ALDH1A2: variants seen among roughly 807,000 people sequenced by gnomAD.
ALDH1A2 encodes the protein aldehyde dehydrogenase 1 family member A2, also known as retinal dehydrogenase 2.
ALDH1A2 carries 27 observed loss-of-function variants against 60.3 expected under a neutral mutation model. That is an observed-to-expected ratio of 0.45 (90% CI 0.33 to 0.62). The LOEUF (loss-of-function observed/expected upper bound fraction) is 0.62, where lower values mean the gene tolerates loss of function less well. Ranked by LOEUF, ALDH1A2 falls within the 20% of genes least tolerant of loss-of-function variation. The pLI, the probability that ALDH1A2 is intolerant of heterozygous loss-of-function variation, is 0.02. For synonymous variants in ALDH1A2, 289 were observed against 232.4 expected (o/e 1.24, Z -2.21); for missense variants, 581 against 643.8 (o/e 0.90, Z 1.06).
chr15:58,037,526 G>A (rs1371111658), intron 1 of ALDH1A2, among the ~76,000 whole-genome samples: 1 of 151,466 alleles, frequency 6.6e-6, no homozygotes, highest in Non-Finnish European at 1.5e-5. Context: ...CATCATGAAA[G>A]TATTGTTAGA....
intron 7 of ALDH1A2, among the ~76,000 whole-genome samples, chr15:57,983,156 C>T (rs1287173138): frequency 6.6e-6 from 1 of 152,198 alleles, no homozygotes; most frequent in African/African-American, 2.4e-5. Flanking sequence ...AAACTGCATT[C>T]GCTATTGAAA....
intron 1 of ALDH1A2, chr15:58,058,150 C>G (rs1436827943): frequency 7.5e-7 from 1 of 1,326,816 alleles, no homozygotes; most frequent in Admixed American, 2.0e-5. Context: ...TAAATTCATA[C>G]AGGCATTTCA....
At chr15:57,990,911 T>C (rs1218611816) in intron 7 of ALDH1A2, among the ~76,000 whole-genome samples, 4 of 149,796 alleles carry the variant, frequency 2.7e-5, no homozygotes, top group Non-Finnish European at 5.9e-5. Flanking sequence ...AATAGAAGCC[T>C]CTTGACTGAC....
At chr15:58,059,749 A>C (rs1299935943) in intron 1 of ALDH1A2, among the ~76,000 whole-genome samples, 1 of 152,182 alleles carries the variant, frequency 6.6e-6, no homozygotes. Context: ...TAAAGACAAG[A>C]CCTTGGTGGA....
Position 57,992,683 on chromosome 15 carries a change from C to G in ALDH1A2, c.798+22G>C, listed in dbSNP as rs748586659. ...CTCATTTGCAAGACTGTTCCTCAAG[C>G]CCTGGTTTTTCAGATACCTACCTCA... is the stretch of plus-strand genomic sequence containing the variant. On this transcript the variant is annotated intron_variant, in intron 7 of 12. Coordinates refer to ENST00000249750, the MANE Select transcript of ALDH1A2 (RefSeq NM_003888.4). The G allele has an allele frequency of 4.4e-6, 7 of 1,605,584 alleles. No homozygotes were observed. In the Admixed American group the frequency reaches 1.2e-4, roughly 27 times the overall value.
chr15:58,045,732 C>A (rs1339803738), intron 1 of ALDH1A2, among the ~76,000 whole-genome samples: 2 of 151,770 alleles, frequency 1.3e-5, no homozygotes, highest in Non-Finnish European at 2.9e-5. Context: ...CACCACACAC[C>A]CGGACCTGTC....
chr15:58,014,151 A>G, intron 2 of ALDH1A2, 26 bp downstream of exon 2: 1 of 1,614,138 alleles, frequency 6.2e-7, no homozygotes, highest in African/African-American at 1.3e-5. Flanking sequence ...ATTTCATAGG[A>G]AATCTTTTAT....
chr15:58,032,949 A>C (rs866287608), intron 1 of ALDH1A2, among the ~76,000 whole-genome samples: 3 of 152,076 alleles, frequency 2.0e-5, no homozygotes, highest in Non-Finnish European at 4.4e-5. Context: ...GCATGTTCTC[A>C]TATGTGGGAT....
At chr15:57,978,257 C>A (rs1370049134) in intron 7 of ALDH1A2, among the ~76,000 whole-genome samples, 2 of 152,180 alleles carry the variant, frequency 1.3e-5, no homozygotes, top group Non-Finnish European at 2.9e-5. Flanking sequence ...GAGAGGGCAT[C>A]CTTTTCTTGT....
chr15:58,004,205 T>C (rs1356575635), intron 4 of ALDH1A2, among the ~76,000 whole-genome samples: 1 of 151,858 alleles, frequency 6.6e-6, no homozygotes. Context: ...GTATTTGCTC[T>C]CTCTAACTGA....
At chr15:57,989,968 C>G (rs193149438) in intron 7 of ALDH1A2, among the ~76,000 whole-genome samples, 2 of 54,304 alleles carry the variant, frequency 3.7e-5, no homozygotes, top group East Asian at 7.7e-4. Context: ...AGTCCGCAGT[C>G]CAGCCTGGGC....
At chr15:58,034,571 C>T (rs115157190) in intron 1 of ALDH1A2, among the ~76,000 whole-genome samples, 2,117 of 151,680 alleles carry the variant, frequency 0.014, 57 homozygotes, top group African/African-American at 0.047. Context: ...TAGTTTCTCA[C>T]CATTAAATAT....
intron 1 of ALDH1A2, among the ~76,000 whole-genome samples, chr15:58,035,670 T>C (rs1896360882): frequency 6.6e-6 from 1 of 151,758 alleles, no homozygotes; most frequent in Non-Finnish European, 1.5e-5. Flanking sequence ...CTTTAACTCA[T>C]GTGTTATTCA....
intron 7 of ALDH1A2, among the ~76,000 whole-genome samples, chr15:57,973,959 TTCTCTC>T (rs145819696): frequency 3.3e-5 from 5 of 150,778 alleles, no homozygotes; most frequent in African/African-American, 7.3e-5. Flanking sequence ...AAATTCTCCC[TTCTCTC>T]TCTCTCTCTC....
intron 9 of ALDH1A2, 62 bp downstream of exon 9, chr15:57,963,823 G>T: frequency 6.4e-7 from 1 of 1,571,162 alleles, no homozygotes; most frequent in Non-Finnish European, 8.8e-7. Context: ...CTACTACAGT[G>T]TACACAGTTC....
Position 58,050,156 on chromosome 15 carries a change from G to A in ALDH1A2, c.117+15378C>T, listed in dbSNP as rs193302093. Among the ~76,000 whole-genome samples, 6 of 151,742 alleles carry A rather than the reference G, an allele frequency of 4.0e-5. No individual in the cohort carries two copies. In the East Asian group the frequency reaches 9.7e-4, roughly 25 times the overall value. ...TAGGAGATTAAGCTGTTTTTACAAT[G>A]GGCTTAGTTGCCCTATTTATTCAAT... On this transcript the variant is annotated intron_variant, in intron 1 of 12. Coordinates refer to ENST00000249750, the MANE Select transcript of ALDH1A2 (RefSeq NM_003888.4).
chr15:58,054,164 C>T lies in ALDH1A2; in HGVS notation c.117+11370G>A, dbSNP rs576483589. On this transcript the variant is annotated intron_variant, in intron 1 of 12. Coordinates refer to ENST00000249750, the MANE Select transcript of ALDH1A2 (RefSeq NM_003888.4). Reference sequence around the variant, plus strand: ...ATGCAAACAGGTAAATGAGTCTAAACGAGAAATAAGAGTTATCAAGTGCCT... The same window carrying T: ...ATGCAAACAGGTAAATGAGTCTAAATGAGAAATAAGAGTTATCAAGTGCCT... 9.0e-4 allele frequency among the ~76,000 whole-genome samples: 136 copies of T among 151,798 alleles called. 1 individual carries two copies. Among genetic ancestry groups the T allele is most frequent in the African/African-American group, 3.0e-3 (122 of 41,348 alleles).
At chr15:57,981,291 C>T (rs1427777074) in intron 7 of ALDH1A2, among the ~76,000 whole-genome samples, 2 of 114,348 alleles carry the variant, frequency 1.7e-5, no homozygotes, top group African/African-American at 7.9e-5. Context: ...GAAGAGCAAA[C>T]ACACACACAC....
At chr15:58,056,835 G>C (rs1896907377) in intron 1 of ALDH1A2, among the ~76,000 whole-genome samples, 1 of 152,022 alleles carries the variant, frequency 6.6e-6, no homozygotes, top group Non-Finnish European at 1.5e-5. Flanking sequence ...GCAATGAGAT[G>C]CCATTTCACA....
Sources: allele counts gnomAD v4.1 joint callset (sites outside exome capture counted in the v4.1 genomes callset), GRCh38; gene constraint gnomAD v4.1.1; transcripts MANE v1.5; gene names NCBI Gene and HGNC (gene_info 2026-07-23, HGNC 2026-07-21).